Variants in ACOT11 observed in about 807,000 individuals in gnomAD.
ACOT11 encodes the protein acyl-coenzyme A thioesterase 11.
Under a neutral mutation model 77.5 loss-of-function variants are expected in ACOT11, and 69 were observed. The observed-to-expected ratio is 0.89, with a 90% CI of 0.73 to 1.09. The LOEUF (loss-of-function observed/expected upper bound fraction) is 1.09, where lower values mean the gene tolerates loss of function less well. Ranked by LOEUF, ACOT11 falls within the 50% of genes least tolerant of loss-of-function variation. ACOT11 has a pLI of 0.00. For missense variants in ACOT11, 766 were observed against 813.7 expected, an observed-to-expected ratio of 0.94 and a Z score of 0.71; for synonymous variants, 279 against 313.0, an observed-to-expected ratio of 0.89 and a Z score of 1.15.
intron 1 of ACOT11, among the ~76,000 whole-genome samples, chr1:54,565,288 C>T (rs1001907070): frequency 6.6e-6 from 1 of 152,208 alleles, no homozygotes; most frequent in Non-Finnish European, 1.5e-5. Flanking sequence ...ATCCACAGGT[C>T]GGAAACCACT....
chr1:54,562,700 G>A (rs1184614), intron 1 of ACOT11, among the ~76,000 whole-genome samples: 2,763 of 81,248 alleles, frequency 0.034, 35 homozygotes, highest in East Asian at 0.071. Context: ...CGGGGCGGCC[G>A]GGCAGAGACG....
downstream of ACOT11, chr1:54,611,792 C>A: frequency 6.2e-7 from 1 of 1,609,276 alleles, no homozygotes; most frequent in Non-Finnish European, 8.5e-7. Context: ...CCCAGCAAGA[C>A]CCTCAGCCCC....
chr1:54,555,668 G>A (rs1653233269), intron 1 of ACOT11, among the ~76,000 whole-genome samples: 1 of 152,112 alleles, frequency 6.6e-6, no homozygotes, highest in African/African-American at 2.4e-5. Context: ...GTCATGAAGT[G>A]TTTCCCTTAT....
chr1:54,631,356 A>G (rs1644298823), intron 16 of ACOT11, among the ~76,000 whole-genome samples: 1 of 152,200 alleles, frequency 6.6e-6, no homozygotes, highest in African/African-American at 2.4e-5. Context: ...TCAGAGAATT[A>G]AAACAAGCAA....
At chr1:54,568,635 A>G (rs1653826605) in intron 1 of ACOT11, among the ~76,000 whole-genome samples, 1 of 152,058 alleles carries the variant, frequency 6.6e-6, no homozygotes, top group African/African-American at 2.4e-5. Flanking sequence ...AAGTGCTGGG[A>G]TTACAGGCGT....
intron 2 of ACOT11, among the ~76,000 whole-genome samples, chr1:54,585,400 G>C (rs1443138754): frequency 6.6e-6 from 1 of 152,198 alleles, no homozygotes; most frequent in Non-Finnish European, 1.5e-5. Flanking sequence ...CACCTGAGTG[G>C]AGTCCTGAGG....
intron 15 of ACOT11, among the ~76,000 whole-genome samples, chr1:54,617,635 T>G (rs1005762777): frequency 1.3e-5 from 2 of 150,236 alleles, no homozygotes; most frequent in African/African-American, 4.9e-5. Context: ...TTCTCCAACT[T>G]TAATGTGCAC....
At chr1:54,568,458 G>A (rs1376076671) in intron 1 of ACOT11, among the ~76,000 whole-genome samples, 3 of 149,076 alleles carry the variant, frequency 2.0e-5, no homozygotes, top group Admixed American at 6.8e-5. Context: ...TCCACCTCCT[G>A]GGTTCAAGCA....
At chr1:54,618,994 T>C (rs1362743984) in intron 15 of ACOT11, among the ~76,000 whole-genome samples, 1 of 152,180 alleles carries the variant, frequency 6.6e-6, no homozygotes, top group African/African-American at 2.4e-5. Flanking sequence ...GCGTAATTAT[T>C]AATAATGACC....
At chr1:54,635,482 A>T (rs1195042880) in exon 17 of ACOT11, 2 of 211,120 alleles carry the variant, frequency 9.5e-6, no homozygotes, top group Non-Finnish European at 9.4e-6. Flanking sequence ...AAAATTTGGG[A>T]AAGAATAAAA....
At chr1:54,578,008 G>A (rs1279462827) in intron 1 of ACOT11, among the ~76,000 whole-genome samples, 1 of 152,182 alleles carries the variant, frequency 6.6e-6, no homozygotes, top group South Asian at 2.1e-4. Context: ...AGGCACCAGG[G>A]GTCATGATGC....
chr1:54,607,891 A>C lies in ACOT11; in HGVS notation c.1503-51A>C, dbSNP rs775509704. The C allele has an allele frequency of 1.2e-6, 2 of 1,608,948 alleles. No individual in the cohort carries two copies. Among genetic ancestry groups the C allele is most frequent in the Non-Finnish European group, 1.7e-6 (2 of 1,176,990 alleles). The stretch of plus-strand genomic sequence containing the variant: ...CCTTGGTTGGGCAGAACAGGCCCCC[A>C]CTTTCTTCTGTGGCTGACCCCTGTC... On this transcript the variant is annotated intron_variant, in intron 14 of 15. Transcript: ENST00000343744. The surrounding 1 kb of genome is among the most constrained non-coding windows in gnomAD (Gnocchi z 4.5).
chr1:54,569,688 G>A (rs1489272453), intron 1 of ACOT11, among the ~76,000 whole-genome samples: 2 of 152,208 alleles, frequency 1.3e-5, no homozygotes, highest in East Asian at 1.9e-4. Flanking sequence ...ATTGTTGAGT[G>A]TGTGGACAGA....
chr1:54,621,768 T>C (rs1644231776), intron 15 of ACOT11: 1 of 151,950 alleles, frequency 6.6e-6, no homozygotes, highest in Admixed American at 6.6e-5. Flanking sequence ...AGGCATGAGG[T>C]GGGGGCATGG....
chr1:54,581,949 T>A (rs1467815125), intron 1 of ACOT11, among the ~76,000 whole-genome samples: 1 of 151,840 alleles, frequency 6.6e-6, no homozygotes, highest in South Asian at 2.1e-4. Flanking sequence ...AAGGAAGGAG[T>A]GGAGTCTGAA....
At chr1:54,623,315 A>T in intron 15 of ACOT11, 1 of 1,614,086 alleles carries the variant, frequency 6.2e-7, no homozygotes, top group South Asian at 1.1e-5. Flanking sequence ...CTATTGCGGC[A>T]ATGACCACCA....
chr1:54,609,135 G>A lies in ACOT11; in HGVS notation c.*23G>A. The A allele has an allele frequency of 6.2e-7, 1 of 1,613,810 alleles. No individual in the cohort carries two copies. Among genetic ancestry groups the A allele is most frequent in the Non-Finnish European group, 8.5e-7 (1 of 1,179,844 alleles). On this transcript the variant is annotated 3_prime_UTR_variant, in exon 16 of 16. Transcript: ENST00000343744. ...TAGATGCCCTCAGTGGCCACATCAT[G>A]CCCACTCCCACTCCATCCTGTCCCC...
intron 1 of ACOT11, among the ~76,000 whole-genome samples, chr1:54,561,081 TA>T (rs377335253): frequency 0.18 from 11,072 of 60,606 alleles, 614 homozygotes; most frequent in African/African-American, 0.27. Context: ...GCTGATTTTT[TA>T]TTTTTTTTAT....
At chr1:54,578,302 G>A (rs1478736122) in intron 1 of ACOT11, among the ~76,000 whole-genome samples, 1 of 152,182 alleles carries the variant, frequency 6.6e-6, no homozygotes, top group African/African-American at 2.4e-5. Context: ...ATGTTGGAAT[G>A]AGTGTCTCCA....
Sources: gnomAD v4.1 joint callset for allele counts (sites outside exome capture counted in the v4.1 genomes callset) on GRCh38, gnomAD v4.1.1 for gene constraint, Gnocchi (gnomAD v3.1) non-coding constraint, MANE v1.5 for transcripts, NCBI Gene and HGNC (gene_info 2026-07-23, HGNC 2026-07-21) for gene names.